The following SLC2A9 variants were observed in gnomAD, a reference collection of about 807,000 sequenced individuals.
SLC2A9 encodes solute carrier family 2 member 9.
SLC2A9 carries 39 observed loss-of-function variants against 50.6 expected under a neutral mutation model. That is an observed-to-expected ratio of 0.77 (90% CI 0.60 to 1.01). The LOEUF is 1.01. SLC2A9 is among the 50% of genes least tolerant of loss of function. The probability of loss-of-function intolerance (pLI) is 0.00; values close to 1 mark genes in which losing one functional copy is unlikely to be tolerated. For missense variants in SLC2A9, 686 were observed against 677.6 expected (o/e 1.01, Z -0.14); for synonymous variants, 324 against 276.9 (o/e 1.17, Z -1.69).
At chr4:9,802,896 G>A (rs1721642773) in intron 3 of SLC2A9, among the ~76,000 whole-genome samples, 1 of 152,116 alleles carries the variant, frequency 6.6e-6, no homozygotes, top group Non-Finnish European at 1.5e-5. Context: ...GCCTTATCCA[G>A]GAATATTTCC....
chr4:9,996,560 G>T (rs1421518188), intron 3 of SLC2A9, among the ~76,000 whole-genome samples: 3 of 150,402 alleles, frequency 2.0e-5, no homozygotes. Context: ...ACACAGCCCA[G>T]TCCCTATACG....
At chr4:9,997,825 T>A (rs1047636006) in intron 2 of SLC2A9, among the ~76,000 whole-genome samples, 1 of 152,040 alleles carries the variant, frequency 6.6e-6, no homozygotes, top group Admixed American at 6.6e-5. Flanking sequence ...TAACATCTTC[T>A]GCTCTTCCAA....
At chr4:10,019,850 T>C (rs1763285103) in intron 1 of SLC2A9, among the ~76,000 whole-genome samples, 1 of 152,214 alleles carries the variant, frequency 6.6e-6, no homozygotes, top group Admixed American at 6.5e-5. Context: ...CAGCCCCATC[T>C]AAGGACAGCC....
intron 10 of SLC2A9, among the ~76,000 whole-genome samples, chr4:9,868,305 GC>G (rs1732844415): frequency 6.6e-6 from 1 of 152,232 alleles, no homozygotes; most frequent in Non-Finnish European, 1.5e-5. Flanking sequence ...GCAGCCTGGT[GC>G]CTTCACTAGT....
intron 8 of SLC2A9, among the ~76,000 whole-genome samples, chr4:9,895,415 A>G (rs1246140355): frequency 6.6e-6 from 1 of 152,200 alleles, no homozygotes; most frequent in Non-Finnish European, 1.5e-5. Flanking sequence ...AAGGGATTAG[A>G]GCGAACGTGG....
intron 3 of SLC2A9, among the ~76,000 whole-genome samples, chr4:9,991,684 G>A (rs565859048): frequency 5.6e-4 from 85 of 152,282 alleles, no homozygotes; most frequent in African/African-American, 2.0e-3. Flanking sequence ...ACAAGGAAGC[G>A]GCCCTAATGT....
At chr4:10,013,983 G>A (rs1352518348) in intron 2 of SLC2A9, among the ~76,000 whole-genome samples, 1 of 152,068 alleles carries the variant, frequency 6.6e-6, no homozygotes, top group Non-Finnish European at 1.5e-5. Context: ...TACCCTCCCC[G>A]CACTCCAAAG....
chr4:9,966,679 A>T (rs2108975941), intron 5 of SLC2A9, among the ~76,000 whole-genome samples: 1 of 152,326 alleles, frequency 6.6e-6, no homozygotes, highest in East Asian at 1.9e-4. Context: ...ACTGGAAACA[A>T]TCCAAATGTC....
At chr4:9,899,464 C>T (rs1332898395) in intron 8 of SLC2A9, among the ~76,000 whole-genome samples, 2 of 152,146 alleles carry the variant, frequency 1.3e-5, no homozygotes, top group East Asian at 3.9e-4. Context: ...TCACAGATCT[C>T]TCTAAAAAGA....
At chr4:10,012,432 A>G (rs1761915564) in intron 2 of SLC2A9, among the ~76,000 whole-genome samples, 1 of 152,258 alleles carries the variant, frequency 6.6e-6, no homozygotes, top group Non-Finnish European at 1.5e-5. Flanking sequence ...ATAAATGCTT[A>G]CAATGTGTCA....
At chr4:9,823,009 T>C (rs1012204322), downstream of SLC2A9, among the ~76,000 whole-genome samples, 1 of 152,154 alleles carries the variant, frequency 6.6e-6, no homozygotes, top group African/African-American at 2.4e-5. Context: ...CTCTCTTCAA[T>C]TTGCCTGATA....
intron 7 of SLC2A9, among the ~76,000 whole-genome samples, chr4:9,915,455 TGAACTCCC>T (rs1230145224): frequency 6.6e-6 from 1 of 152,190 alleles, no homozygotes; most frequent in Non-Finnish European, 1.5e-5. Context: ...AGGCTGATCT[TGAACTCCC>T]GACCTCAAGT....
At chr4:9,982,906 G>A (rs1160357102) in intron 4 of SLC2A9, among the ~76,000 whole-genome samples, 1 of 152,124 alleles carries the variant, frequency 6.6e-6, no homozygotes, top group East Asian at 1.9e-4. Flanking sequence ...TTTTGCTAAC[G>A]TTGCCCAGAC....
At chr4:9,815,589 C>T (rs1723465279) in intron 3 of SLC2A9, among the ~76,000 whole-genome samples, 1 of 152,176 alleles carries the variant, frequency 6.6e-6, no homozygotes, top group Non-Finnish European at 1.5e-5. Context: ...GGAGGGTGGC[C>T]GGTGAGCCTG....
chr4:9,917,202 G>A (rs1483563298), intron 7 of SLC2A9, among the ~76,000 whole-genome samples: 3 of 151,402 alleles, frequency 2.0e-5, no homozygotes, highest in Non-Finnish European at 4.4e-5. Context: ...TCTAATTTTA[G>A]AGAATGGAAT....
chr4:9,804,322 A>G (rs1413595752), intron 3 of SLC2A9, among the ~76,000 whole-genome samples: 2 of 152,170 alleles, frequency 1.3e-5, no homozygotes, highest in Non-Finnish European at 2.9e-5. Flanking sequence ...GTCAACACAC[A>G]TGTAGAGTTC....
intron 10 of SLC2A9, 118 bp downstream of exon 10, chr4:9,887,449 C>A (rs753911726): frequency 1.1e-6 from 1 of 948,352 alleles, no homozygotes; most frequent in Non-Finnish European, 1.6e-6. Context: ...GACACACATC[C>A]CCAGTCAGGC....
intron 5 of SLC2A9, among the ~76,000 whole-genome samples, chr4:9,967,347 C>T (rs1401212255): frequency 6.6e-6 from 1 of 152,010 alleles, no homozygotes; most frequent in African/African-American, 2.4e-5. Flanking sequence ...CCTCTTAATA[C>T]ACACTAAAAT....
At chr4:9,950,449 G>A (rs573683015) in intron 5 of SLC2A9, among the ~76,000 whole-genome samples, 3 of 152,236 alleles carry the variant, frequency 2.0e-5, no homozygotes, top group South Asian at 2.1e-4. Flanking sequence ...TTTTTCAAAG[G>A]GTTTGGATGT....
Sources: gnomAD v4.1 joint callset for allele counts (sites outside exome capture counted in the v4.1 genomes callset) on GRCh38, gnomAD v4.1.1 for gene constraint, MANE v1.5 for transcripts, NCBI Gene and HGNC (gene_info 2026-07-23, HGNC 2026-07-21) for gene names.